Variants in ITGA1 observed in about 807,000 individuals in gnomAD.
ITGA1 encodes the protein integrin alpha-1.
ITGA1 carries 85 observed loss-of-function variants against 145.9 expected under a neutral mutation model. The ratio of observed to expected loss-of-function variants is 0.58; its 90% CI spans 0.49 to 0.70. The LOEUF is 0.70. Ranked by LOEUF, ITGA1 falls within the 30% of genes least tolerant of loss-of-function variation. The pLI, the probability that ITGA1 is intolerant of heterozygous loss-of-function variation, is 0.00. For synonymous variants in ITGA1, 520 were observed against 495.3 expected, an observed-to-expected ratio of 1.05 and a Z score of -0.66; for missense variants, 1,351 against 1,418.7, an observed-to-expected ratio of 0.95 and a Z score of 0.77.
chr5:52,809,614 C>T (rs1748653083), intron 1 of ITGA1, among the ~76,000 whole-genome samples: 1 of 150,622 alleles, frequency 6.6e-6, no homozygotes, highest in Admixed American at 6.6e-5. Flanking sequence ...AAGCAATTCT[C>T]GTGCCTCACC....
intron 28 of ITGA1, among the ~76,000 whole-genome samples, chr5:52,949,908 T>G (rs1037927690): frequency 1.3e-4 from 20 of 152,184 alleles, no homozygotes; most frequent in African/African-American, 4.8e-4. Flanking sequence ...CTATCCCTTC[T>G]TCCTTCCTTT....
At chr5:52,867,522 A>G (rs1749706852) in intron 6 of ITGA1, among the ~76,000 whole-genome samples, 1 of 152,132 alleles carries the variant, frequency 6.6e-6, no homozygotes, top group Non-Finnish European at 1.5e-5. Flanking sequence ...TACAGGGTAC[A>G]GGGCAGCCTG....
chr5:52,915,276 T>C (rs1353048999), intron 14 of ITGA1, among the ~76,000 whole-genome samples, 188 bp from the exon 15 acceptor site: 2 of 152,232 alleles, frequency 1.3e-5, no homozygotes. Context: ...GTCTGTACTA[T>C]AAAAACAGCA....
rs566961923 is a variant in ITGA1, at chr5:52,810,165, TC to T, written c.61+21754del. On this transcript the variant is annotated intron_variant, in intron 1 of 28. Coordinates refer to ENST00000282588, the MANE Select transcript of ITGA1 (RefSeq NM_181501.2). The stretch of plus-strand genomic sequence containing the variant: ...TGACAGGGGAGTTTGAGACATTCTG[TC>T]CCTTTCCATAGCCATTCCTGGAAGA... 9.4e-4 allele frequency among the ~76,000 whole-genome samples: 143 copies of T among 152,276 alleles called. 1 individual carries two copies. The highest frequency in any genetic ancestry group is 3.4e-3 in the Middle Eastern group (1 of 294).
chr5:52,897,673 A>G (rs775099588), intron 10 of ITGA1, 145 bp downstream of exon 10: 3 of 616,780 alleles, frequency 4.9e-6, no homozygotes, highest in Non-Finnish European at 8.7e-6. Flanking sequence ...TTTCTAATTC[A>G]AATAGGAAAA....
At chr5:52,850,884 T>C (rs114911991) in intron 2 of ITGA1, among the ~76,000 whole-genome samples, 12 of 152,318 alleles carry the variant, frequency 7.9e-5, no homozygotes, top group African/African-American at 2.9e-4. Context: ...AGCTTTATTC[T>C]TTTAGGAATT....
At chr5:52,816,656 A>G (rs1748780502) in intron 1 of ITGA1, among the ~76,000 whole-genome samples, 1 of 152,162 alleles carries the variant, frequency 6.6e-6, no homozygotes, top group African/African-American at 2.4e-5. Flanking sequence ...CTGGTTACCA[A>G]CGAAGGACCA....
At chr5:52,872,759 T>C (rs1033188368) in intron 6 of ITGA1, among the ~76,000 whole-genome samples, 2 of 151,964 alleles carry the variant, frequency 1.3e-5, no homozygotes, top group African/African-American at 4.8e-5. Context: ...GTTACTTGCT[T>C]TTCCTGTGAT....
At chr5:52,890,628 G>A (rs1173515069) in intron 8 of ITGA1, among the ~76,000 whole-genome samples, 2 of 152,116 alleles carry the variant, frequency 1.3e-5, no homozygotes, top group Non-Finnish European at 2.9e-5. Context: ...ATATTTACCT[G>A]GTACATGTGA....
chr5:52,803,786 T>C (rs989318400), intron 1 of ITGA1: 16 of 152,196 alleles, frequency 1.1e-4, no homozygotes, highest in African/African-American at 3.6e-4. Context: ...TTTGTAGACC[T>C]ACTGAGACAG....
intron 1 of ITGA1, chr5:52,802,901 T>G (rs933181599): frequency 1.3e-5 from 2 of 152,214 alleles, no homozygotes; most frequent in African/African-American, 4.8e-5. Context: ...ACTATAATTA[T>G]GGAATTGTGC....
At chr5:52,863,452 T>G (rs1250300625) in intron 3 of ITGA1, among the ~76,000 whole-genome samples, 1 of 144,050 alleles carries the variant, frequency 6.9e-6, no homozygotes, top group African/African-American at 2.6e-5. Flanking sequence ...TTTTAGCCAC[T>G]GACCAGGGCC....
intron 11 of ITGA1, 33 bp downstream of exon 11, chr5:52,898,416 T>C (rs1488297615): frequency 1.3e-6 from 2 of 1,540,770 alleles, no homozygotes; most frequent in Non-Finnish European, 8.8e-7. Flanking sequence ...AAAGAGTTGT[T>C]TTACTTTTCC....
intron 3 of ITGA1, 55 bp from the exon 4 acceptor site, chr5:52,864,707 TA>T: frequency 9.0e-7 from 1 of 1,108,408 alleles, no homozygotes; most frequent in South Asian, 1.3e-5. Flanking sequence ...GAGAGATGCT[TA>T]AAATTTCACT....
intron 15 of ITGA1, 76 bp downstream of exon 15, chr5:52,915,670 T>A: frequency 6.6e-7 from 1 of 1,509,924 alleles, no homozygotes; most frequent in Non-Finnish European, 9.0e-7. Context: ...GGAGCTCATG[T>A]CATACCAAAT....
chr5:52,951,591 T>G lies in ITGA1; in HGVS notation c.3496-816T>G, dbSNP rs116952832. ...TTCAAGAGGCTTTTTATATCAAATC[T>G]ATATAAGCAGACGTCCTGATGCATT... On this transcript the variant is annotated intron_variant, in intron 28 of 28. Coordinates refer to ENST00000282588, the MANE Select transcript of ITGA1 (RefSeq NM_181501.2). Among the ~76,000 whole-genome samples the G allele has an allele frequency of 1.2e-3, 178 of 152,290 alleles. 2 individuals are homozygous for G. The South Asian group carries it at 0.027, about 23-fold the overall frequency.
Position 52,911,580 on chromosome 5 carries a change from ATATAGTGTAT to A in ITGA1, c.1857+1162_1857+1171del, listed in dbSNP as rs1561246382. Among the ~76,000 whole-genome samples the A allele has an allele frequency of 2.3e-4, 16 of 70,840 alleles. 1 individual carries two copies. Among genetic ancestry groups the A allele is most frequent in the Non-Finnish European group, 2.4e-4 (8 of 33,048 alleles). The allele number at this position is 70,840 out of a possible 152,430, so 46.5% of individuals were successfully genotyped here. ...AGTGTATCTACTATATATACTATAT[ATATAGTGTAT>A]CTACTATATATACTATATATATAGT... On this transcript the variant is annotated intron_variant, in intron 14 of 28. Transcript: ENST00000282588.
intron 27 of ITGA1, 51 bp downstream of exon 27, chr5:52,945,086 G>A (rs1751115010): frequency 3.7e-6 from 5 of 1,340,352 alleles, no homozygotes; most frequent in African/African-American, 2.9e-5. Context: ...TCTGAATTTT[G>A]TGACATAATG....
chr5:52,940,688 T>C (rs1323161057), intron 26 of ITGA1, among the ~76,000 whole-genome samples: 2 of 152,330 alleles, frequency 1.3e-5, no homozygotes, highest in East Asian at 3.9e-4. Flanking sequence ...GTATTATTTA[T>C]TTCTCAGGAA....
Sources: gnomAD v4.1 joint callset for allele counts (sites outside exome capture counted in the v4.1 genomes callset) on GRCh38, gnomAD v4.1.1 for gene constraint, MANE v1.5 for transcripts, NCBI Gene and HGNC (gene_info 2026-07-23, HGNC 2026-07-21) for gene names.